The following FLT4 variants were observed in gnomAD, a reference collection of about 807,000 sequenced individuals.
FLT4 encodes the protein fms related receptor tyrosine kinase 4, also known as vascular endothelial growth factor receptor 3.
A neutral mutation model predicts 163.2 loss-of-function variants in FLT4; 30 were observed. The ratio of observed to expected loss-of-function variants is 0.18; its 90% confidence interval spans 0.14 to 0.25. The LOEUF is 0.25. Ranked by LOEUF, FLT4 falls within the 10% of genes least tolerant of loss-of-function variation. The probability of loss-of-function intolerance (pLI) is 1.00; values close to 1 mark genes in which losing one functional copy is unlikely to be tolerated. For synonymous variants in FLT4, 884 were observed against 789.5 expected (o/e 1.12, Z -2.01); for missense variants, 1,510 against 1,863.8 (o/e 0.81, Z 3.50).
At position 180,620,624 on chromosome 5, in the gene FLT4, G is replaced by A. The variant is rs2127811858; in HGVS notation, c.2391C>T (p.Phe797=). Residue 797 remains phenylalanine (F), a synonymous_variant, in exon 16 of 30, where the codon TTC becomes TTT. Transcript: ENST00000261937. This position sits in a 1 kb window ranked among gnomAD's most constrained non-coding sequence, Gnocchi z 4.4. Reference sequence around the variant, plus strand: ...GGACACTCACCCTCCTCATGTTACAGAAGATGAGGAGGAGGAGGACCCAGA... The same window carrying A: ...GGACACTCACCCTCCTCATGTTACAAAAGATGAGGAGGAGGAGGACCCAGA... ...VFFWVLLLLI[F]CNMRRPAHAD... is the part of the protein sequence containing the mutation. 5 of 1,610,102 alleles carry A rather than the reference G, an allele frequency of 3.1e-6. No homozygotes were observed. Among genetic ancestry groups the A allele is most frequent in the Non-Finnish European group, 4.2e-6 (5 of 1,176,924 alleles).
intron 1 of FLT4, among the ~76,000 whole-genome samples, chr5:180,632,885 C>T (rs1764294506): frequency 6.6e-6 from 1 of 152,066 alleles, no homozygotes; most frequent in African/African-American, 2.4e-5. Flanking sequence ...CCGGGGCCAT[C>T]CTGAGACAAC....
chr5:180,609,108 G>A (rs1761980392), intron 28 of FLT4, 55 bp from the exon 29 acceptor site: 2 of 1,474,816 alleles, frequency 1.4e-6, no homozygotes, highest in Admixed American at 3.3e-5. Context: ...CTCCTGCAGG[G>A]CAGCCACCCC....
intron 20 of FLT4, 37 bp downstream of exon 20, chr5:180,618,984 C>T (rs765742530): frequency 3.2e-5 from 50 of 1,549,510 alleles, no homozygotes; most frequent in African/African-American, 2.7e-5. Flanking sequence ...CCTCCATTCC[C>T]CCGCCGCCCG....
intron 1 of FLT4, among the ~76,000 whole-genome samples, chr5:180,637,626 G>A (rs1228154396): frequency 1.3e-5 from 2 of 152,136 alleles, no homozygotes; most frequent in Non-Finnish European, 1.5e-5. Flanking sequence ...TCCACCTTCC[G>A]GGTTCAAGTG....
chr5:180,608,069 G>A (rs146943555), intron 29 of FLT4: 15,082 of 700,274 alleles, frequency 0.022, 776 homozygotes, highest in East Asian at 0.18. Flanking sequence ...AGGCCTGCCC[G>A]CAGTCATCCG....
At chr5:180,637,054 G>A (rs1232431373) in intron 1 of FLT4, among the ~76,000 whole-genome samples, 1 of 152,108 alleles carries the variant, frequency 6.6e-6, no homozygotes, top group Non-Finnish European at 1.5e-5. Flanking sequence ...GCGAAATCAT[G>A]AGACAGAAAC....
In FLT4 at chr5:180,623,893, T is replaced by C. The variant is rs202009538; in HGVS notation, c.1548+42A>G. 1,354 of 1,611,972 alleles carry C rather than the reference T, an allele frequency of 8.4e-4. 9 individuals carry two copies. The Middle Eastern group carries it at 9.2e-3, about 11-fold the overall frequency. On this transcript the variant is annotated intron_variant, in intron 11 of 29. Transcript: ENST00000261937. This position sits in a 1 kb window ranked among gnomAD's most constrained non-coding sequence, Gnocchi z 5.8. ...CAGTAATGGCCTCTCTCTCCTCCCT[T>C]CTCCTTCTCCCTGGGCACTCAGCAG...
chr5:180,603,309 C>A lies in FLT4; in HGVS notation c.3975G>T (p.Gly1325=). ...SQGRRRRPER[G]ARGGQVFYNS... is the part of the protein sequence containing the mutation. ...TGTAAAACACCTGGCCTCCTCGGGC[C>A]CCCCGCTCAGGCCGCCGCCGCCTCC... The change falls in exon 30 of 30, where the codon GGG becomes GGT. Residue 1325 remains glycine (G), a synonymous_variant. Coordinates refer to ENST00000261937, the MANE Select transcript of FLT4 (RefSeq NM_182925.5). 2 of 1,614,008 alleles carry A rather than the reference C, an allele frequency of 1.2e-6. No individual in the cohort carries two copies. Among genetic ancestry groups the A allele is most frequent in the Non-Finnish European group, 1.7e-6 (2 of 1,179,972 alleles).
intron 23 of FLT4, among the ~76,000 whole-genome samples, chr5:180,615,141 CTGCGGCCCCGCTG>C (rs1762543854): frequency 6.6e-6 from 1 of 152,166 alleles, no homozygotes; most frequent in Non-Finnish European, 1.5e-5. Context: ...AATCGGAGCA[CTGCGGCCCCGCTG>C]GTCACCTCCC....
chr5:180,646,793 C>T (rs1163750230), intron 1 of FLT4, among the ~76,000 whole-genome samples: 3 of 152,178 alleles, frequency 2.0e-5, no homozygotes, highest in Non-Finnish European at 4.4e-5. Flanking sequence ...GGTGCCACTG[C>T]TGGGGGTTAC....
chr5:180,612,316 C>T (rs1055639984), intron 26 of FLT4, 190 bp downstream of exon 26: 9 of 611,906 alleles, frequency 1.5e-5, no homozygotes, highest in African/African-American at 5.5e-5. Flanking sequence ...AGCTGTGCAG[C>T]GGGTGTGTAC....
chr5:180,612,531 T>C lies in FLT4; in HGVS notation c.3512A>G (p.Asp1171Gly). The C allele has an allele frequency of 6.2e-7, 1 of 1,613,686 alleles. No individual in the cohort carries two copies. Among genetic ancestry groups the C allele is most frequent in the Non-Finnish European group, 8.5e-7 (1 of 1,179,726 alleles). Residue 1171 changes from aspartate to glycine, a missense_variant, in exon 26 of 30, where the codon GAC becomes GGC. Physicochemically the swap from Asp to Gly is moderately conservative, Grantham distance 94 (BLOSUM62 -1). Coordinates refer to ENST00000261937, the MANE Select transcript of FLT4 (RefSeq NM_182925.5). The stretch of plus-strand genomic sequence containing the variant: ...TTGCAGGCCCCTGCCCTGGAGCAGG[T>C]CCCCCAGGATCTCCACCAGCTCCGA... ...AFSELVEILG[D>G]LLQGRGLQEE...
At chr5:180,618,237 C>G (rs1451702080) in intron 21 of FLT4, among the ~76,000 whole-genome samples, 5 of 98,938 alleles carry the variant, frequency 5.1e-5, no homozygotes, top group African/African-American at 1.2e-4. Flanking sequence ...ACTCCCAGAG[C>G]ACCCTCTCCT....
At chr5:180,635,689 A>G (rs145718935) in intron 1 of FLT4, among the ~76,000 whole-genome samples, 7 of 10,358 alleles carry the variant, frequency 6.8e-4, no homozygotes, top group Non-Finnish European at 1.1e-3. Context: ...GGATGGATGT[A>G]TGGATGGATG....
At position 180,620,461 on chromosome 5, in the gene FLT4, T is replaced by C; in HGVS notation, c.2406+148A>G. 8.0e-7 allele frequency: 1 copy of C among 1,244,558 alleles called. No individual in the cohort carries two copies. The highest frequency in any genetic ancestry group is 1.8e-5 in the Admixed American group (1 of 55,304). The allele number at this position is 1,244,558 out of a possible 1,614,324, so 77.1% of individuals were successfully genotyped here. ...AAAAAGACAGACAACCTCTGCGGGG[T>C]TGGAGCCCAGCGTGAAGGGCAGGGA... On this transcript the variant is annotated intron_variant, in intron 16 of 29. Transcript: ENST00000261937. This position sits in a 1 kb window ranked among gnomAD's most constrained non-coding sequence, Gnocchi z 4.4.
At chr5:180,609,773 AC>A in intron 28 of FLT4, 131 bp downstream of exon 28, 1 of 1,131,812 alleles carries the variant, frequency 8.8e-7, no homozygotes, top group Admixed American at 1.7e-5. Context: ...CCCAAGGCTC[AC>A]CCTGGACTTG....
At chr5:180,627,614 G>A (rs570605663) in intron 8 of FLT4, among the ~76,000 whole-genome samples, 47 of 152,186 alleles carry the variant, frequency 3.1e-4, no homozygotes, top group Non-Finnish European at 2.6e-4. Flanking sequence ...GGAAGGGTGG[G>A]CACCACAGGA....
rs2127819826 is a variant in FLT4 at position 180,622,780 on chromosome 5, G to A, written c.1608C>T (p.Val536=). 7 of 1,613,632 alleles carry A rather than the reference G, an allele frequency of 4.3e-6. No homozygotes were observed. The South Asian group carries it at 6.6e-5, about 15-fold the overall frequency. The change falls in exon 12 of 30, where the codon GTC becomes GTT. Residue 536 remains valine, a synonymous_variant. Coordinates refer to ENST00000261937, the MANE Select transcript of FLT4 (RefSeq NM_182925.5). ...GCTCATCCTGGCCCACCTTGTTGGA[G>A]ACCACACACTTGTACATGGCAGACA... ...ANVSAMYKCV[V]SNKVGQDERL...
intron 29 of FLT4, among the ~76,000 whole-genome samples, chr5:180,606,631 A>G (rs1240848814): frequency 6.6e-6 from 1 of 152,246 alleles, no homozygotes; most frequent in Non-Finnish European, 1.5e-5. Context: ...CGTGGCGATC[A>G]TTCTCTGTGA....
Sources: gnomAD v4.1 joint callset for allele counts (sites outside exome capture counted in the v4.1 genomes callset) on GRCh38, gnomAD v4.1.1 for gene constraint, Gnocchi (gnomAD v3.1) non-coding constraint, MANE v1.5 for transcripts, NCBI Gene and HGNC (gene_info 2026-07-23, HGNC 2026-07-21) for gene names.